SGK1: variants seen among roughly 807,000 people sequenced by gnomAD.
SGK1 encodes serum/glucocorticoid regulated kinase 1, also known as serine/threonine-protein kinase Sgk1.
In SGK1, 26 loss-of-function variants were observed where a neutral mutation model predicts 64.2. The ratio of observed to expected loss-of-function variants is 0.40; its 90% CI spans 0.30 to 0.56. SGK1 has a LOEUF of 0.56. Ranked by LOEUF, SGK1 falls within the 20% of genes least tolerant of loss-of-function variation. The pLI, the probability that SGK1 is intolerant of heterozygous loss-of-function variation, is 0.38. For synonymous variants in SGK1, 265 were observed against 239.7 expected, an observed-to-expected ratio of 1.11 and a Z score of -0.98; for missense variants, 519 against 645.6, an observed-to-expected ratio of 0.80 and a Z score of 2.12.
At chr6:134,232,809 A>C (rs2114715927) in intron 2 of SGK1, among the ~76,000 whole-genome samples, 1 of 151,420 alleles carries the variant, frequency 6.6e-6, no homozygotes, top group Non-Finnish European at 1.5e-5. Flanking sequence ...CCGAGATGGC[A>C]CCACTGCACT....
At chr6:134,186,229 T>A (rs1413607479) in intron 3 of SGK1, among the ~76,000 whole-genome samples, 2 of 152,212 alleles carry the variant, frequency 1.3e-5, no homozygotes, top group Non-Finnish European at 2.9e-5. Context: ...CTACCTAATA[T>A]AATGCACCTG....
At chr6:134,242,186 T>G (rs1332887123) in intron 2 of SGK1, among the ~76,000 whole-genome samples, 1 of 152,010 alleles carries the variant, frequency 6.6e-6, no homozygotes, top group Non-Finnish European at 1.5e-5. Flanking sequence ...CAACTAGGAA[T>G]TTTGAAATTA....
At chr6:134,193,697 G>A (rs963369868) in intron 3 of SGK1, among the ~76,000 whole-genome samples, 10 of 146,564 alleles carry the variant, frequency 6.8e-5, no homozygotes, top group African/African-American at 2.5e-4. Context: ...CCTGGCTGGA[G>A]CGATTAATAG....
chr6:134,188,908 C>CTTTTTTTTT (rs34316759), intron 3 of SGK1, among the ~76,000 whole-genome samples: 2 of 110,220 alleles, frequency 1.8e-5, no homozygotes, highest in East Asian at 2.4e-4. Context: ...ATTTCTTTTT[C>CTTTTTTTTT]TTTTTTTTTT....
chr6:134,207,982 G>T (rs1253752501), intron 2 of SGK1, among the ~76,000 whole-genome samples: 1 of 152,202 alleles, frequency 6.6e-6, no homozygotes, highest in Non-Finnish European at 1.5e-5. Flanking sequence ...TGCAATCTCA[G>T]CTCACTGCAA....
intron 1 of SGK1, among the ~76,000 whole-genome samples, chr6:134,279,705 C>T (rs1449297762): frequency 6.6e-6 from 1 of 151,982 alleles, no homozygotes; most frequent in East Asian, 1.9e-4. Flanking sequence ...TGAAATTTTA[C>T]AAGGATAGGT....
intron 1 of SGK1, among the ~76,000 whole-genome samples, chr6:134,279,240 T>C (rs1317291974): frequency 6.6e-6 from 1 of 152,070 alleles, no homozygotes; most frequent in East Asian, 1.9e-4. Flanking sequence ...AAGACTAGCC[T>C]GGCCAACATG....
intron 2 of SGK1, among the ~76,000 whole-genome samples, chr6:134,236,047 T>C (rs1158810115): frequency 6.6e-6 from 1 of 152,046 alleles, no homozygotes; most frequent in African/African-American, 2.4e-5. Context: ...GTGGGTGAGG[T>C]CCCTTAGTTG....
intron 3 of SGK1, among the ~76,000 whole-genome samples, chr6:134,206,385 T>TATA (rs1775785602): frequency 1.6e-4 from 2 of 12,856 alleles, no homozygotes; most frequent in African/African-American, 4.2e-4. Flanking sequence ...ATATATATAT[T>TATA]TTTTTTTTTT....
chr6:134,297,189 TG>T, intron 1 of SGK1: 1 of 762,824 alleles, frequency 1.3e-6, no homozygotes, highest in Non-Finnish European at 2.3e-6. Context: ...GGTCTTCGTA[TG>T]GATACTCACA....
At chr6:134,263,113 T>C (rs1776792541) in intron 1 of SGK1, among the ~76,000 whole-genome samples, 1 of 152,188 alleles carries the variant, frequency 6.6e-6, no homozygotes, top group African/African-American at 2.4e-5. Flanking sequence ...ACCCTTATTA[T>C]TATGATTATG....
chr6:134,275,479 A>G (rs1562271939), intron 1 of SGK1, among the ~76,000 whole-genome samples: 1 of 152,216 alleles, frequency 6.6e-6, no homozygotes. Flanking sequence ...AACCTGTTTC[A>G]TCAGGATTGA....
At chr6:134,287,492 A>G (rs181998224) in intron 1 of SGK1, among the ~76,000 whole-genome samples, 2 of 150,762 alleles carry the variant, frequency 1.3e-5, no homozygotes, top group Admixed American at 1.3e-4. Flanking sequence ...TTGTAGGAGT[A>G]AGGAATGAGT....
chr6:134,194,689 T>C (rs1169669554), intron 3 of SGK1, among the ~76,000 whole-genome samples: 1 of 151,972 alleles, frequency 6.6e-6, no homozygotes, highest in Non-Finnish European at 1.5e-5. Context: ...ACCTGGCTAA[T>C]TTTTATACTT....
chr6:134,227,496 A>T (rs1626488), intron 2 of SGK1, among the ~76,000 whole-genome samples: 119,998 of 152,164 alleles, frequency 0.79, 49,695 homozygotes, highest in East Asian at 0.97. Flanking sequence ...AAGGTGCCTG[A>T]CACTCACTCA....
At chr6:134,313,280 C>T (rs546562210) in intron 1 of SGK1, among the ~76,000 whole-genome samples, 10 of 152,160 alleles carry the variant, frequency 6.6e-5, no homozygotes, top group South Asian at 2.1e-4. Context: ...CACTTTGGGA[C>T]GCTCCCTTGA....
chr6:134,305,315 C>T (rs538774954), intron 1 of SGK1, among the ~76,000 whole-genome samples: 54 of 147,390 alleles, frequency 3.7e-4, no homozygotes, highest in African/African-American at 1.1e-3. Context: ...ACCAAAATCG[C>T]GCCCACTGCA....
chr6:134,317,294 G>A, intron 1 of SGK1, 98 bp downstream of exon 1: 3 of 817,036 alleles, frequency 3.7e-6, no homozygotes, highest in Non-Finnish European at 4.4e-6. Context: ...TTACATTAAG[G>A]GTTTAGCAAC....
chr6:134,255,264 T>C (rs1436748766), intron 2 of SGK1, among the ~76,000 whole-genome samples: 1 of 152,244 alleles, frequency 6.6e-6, no homozygotes, highest in African/African-American at 2.4e-5. Context: ...TGTTATCTCC[T>C]GATGTTTCCA....
Sources: allele counts gnomAD v4.1 joint callset (sites outside exome capture counted in the v4.1 genomes callset), GRCh38; gene constraint gnomAD v4.1.1; transcripts MANE v1.5; gene names NCBI Gene and HGNC (gene_info 2026-07-23, HGNC 2026-07-21).